The following HS6ST1 variants were observed in gnomAD, a reference collection of about 807,000 sequenced individuals.
HS6ST1 encodes the protein heparan sulfate 6-O-sulfotransferase 1, also known as heparan-sulfate 6-O-sulfotransferase 1.
A neutral mutation model predicts 25.2 loss-of-function variants in HS6ST1; 3 were observed. That is an observed-to-expected ratio of 0.12 (90% CI 0.05 to 0.31). HS6ST1 has a LOEUF of 0.31. Among genes scored for constraint, HS6ST1 ranks in the 10% least tolerant of loss-of-function variants. HS6ST1 has a pLI of 1.00. For missense variants in HS6ST1, 310 were observed against 609.6 expected (o/e 0.51, Z 5.18); for synonymous variants, 204 against 275.1 (o/e 0.74, Z 2.56).
intron 1 of HS6ST1, among the ~76,000 whole-genome samples, chr2:128,313,227 C>T (rs1487366451): frequency 6.6e-6 from 1 of 152,106 alleles, no homozygotes; most frequent in Non-Finnish European, 1.5e-5. Flanking sequence ...TCAGAAATTC[C>T]ACTCCTAGGA....
intron 1 of HS6ST1, among the ~76,000 whole-genome samples, chr2:128,308,513 G>A (rs928245456): frequency 1.3e-5 from 2 of 152,208 alleles, no homozygotes; most frequent in African/African-American, 4.8e-5. Context: ...CTGGGGGTGG[G>A]GTCAGGCTGC....
Position 128,302,005 on chromosome 2 carries a change from C to T in HS6ST1, c.527+16032G>A, listed in dbSNP as rs552206116. On this transcript the variant is annotated intron_variant, in intron 1 of 1. Transcript: ENST00000259241. ...CTCCATGGTGCCGCCAGCTCCTCTC[C>T]CTGGATAAAGTCATGCCCCAATGAG... 5.3e-5 allele frequency among the ~76,000 whole-genome samples: 8 copies of T among 152,280 alleles called. No individual in the cohort carries two copies. The South Asian group carries it at 1.7e-3, about 32-fold the overall frequency.
At chr2:128,276,905 G>T (rs936267278) in intron 1 of HS6ST1, among the ~76,000 whole-genome samples, 32 of 152,280 alleles carry the variant, frequency 2.1e-4, no homozygotes, top group African/African-American at 7.7e-4. Flanking sequence ...AGCAAGACAG[G>T]CTCCACAAAA....
rs539842525 is a variant in HS6ST1 at position 128,267,767 on chromosome 2, T to C, written c.*395A>G. On this transcript the variant is annotated 3_prime_UTR_variant, in exon 2 of 2. Coordinates refer to ENST00000259241, the MANE Select transcript of HS6ST1 (RefSeq NM_004807.3). ...CCCGGACAGAGGAGCTAAGAGCGAG[T>C]GCTGTGTGCATAGTTGGTGAGGGAC... 2.9e-4 allele frequency: 80 copies of C among 279,724 alleles called. No individual in the cohort carries two copies. The highest frequency in any genetic ancestry group is 1.6e-3 in the African/African-American group (73 of 46,466). The allele number at this position is 279,724 out of a possible 1,614,324, so 17.3% of individuals were successfully genotyped here.
chr2:128,294,843 G>C (rs17040155), intron 1 of HS6ST1, among the ~76,000 whole-genome samples: 57,777 of 151,760 alleles, frequency 0.38, 12,371 homozygotes, highest in East Asian at 0.77. Context: ...CCTGCTTCCT[G>C]AAACTCCTTC....
intron 1 of HS6ST1, among the ~76,000 whole-genome samples, chr2:128,286,747 T>A (rs1468245365): frequency 2.6e-5 from 4 of 152,218 alleles, no homozygotes; most frequent in African/African-American, 9.7e-5. Context: ...CCTAACAACG[T>A]CTGCAAGCGG....
chr2:128,311,746 G>A (rs901315218), intron 1 of HS6ST1, among the ~76,000 whole-genome samples: 3 of 152,230 alleles, frequency 2.0e-5, no homozygotes, highest in Non-Finnish European at 4.4e-5. Context: ...GGACACTGGA[G>A]CAGAGGGATG....
intron 1 of HS6ST1, among the ~76,000 whole-genome samples, chr2:128,295,334 G>A (rs1277181361): frequency 6.6e-6 from 1 of 152,220 alleles, no homozygotes; most frequent in East Asian, 1.9e-4. Context: ...CAGGCACAGT[G>A]AGGTGAAGGC....
chr2:128,280,678 T>C (rs1248759477), intron 1 of HS6ST1, among the ~76,000 whole-genome samples: 3 of 149,508 alleles, frequency 2.0e-5, no homozygotes, highest in East Asian at 1.9e-4. Context: ...TGGTGACGTC[T>C]GTAGAAGAGT....
At chr2:128,279,180 CG>C (rs1320022282) in intron 1 of HS6ST1, among the ~76,000 whole-genome samples, 2 of 151,990 alleles carry the variant, frequency 1.3e-5, no homozygotes, top group African/African-American at 4.8e-5. Flanking sequence ...GATGGGGGTG[CG>C]GGGGTGGGTT....
At chr2:128,302,129 A>C (rs1361334096) in intron 1 of HS6ST1, among the ~76,000 whole-genome samples, 1 of 152,206 alleles carries the variant, frequency 6.6e-6, no homozygotes, top group East Asian at 1.9e-4. Context: ...GAGGCTGTGC[A>C]TGGGGACTTC....
chr2:128,304,102 A>G (rs893487533), intron 1 of HS6ST1, among the ~76,000 whole-genome samples: 1 of 152,210 alleles, frequency 6.6e-6, no homozygotes, highest in African/African-American at 2.4e-5. Flanking sequence ...CCTTGGACTA[A>G]GCCTGCTCGC....
intron 1 of HS6ST1, 61 bp from the exon 2 acceptor site, chr2:128,268,931 G>A: frequency 2.1e-6 from 3 of 1,421,964 alleles, no homozygotes; most frequent in South Asian, 1.2e-5. Context: ...GGCTACCAGG[G>A]CTGCTCTGAG....
In HS6ST1 at chr2:128,267,016, G is replaced by A. The variant is rs1693527569; in HGVS notation, c.*1146C>T. The stretch of plus-strand genomic sequence containing the variant: ...TCTGTTGTCAGGGAGGCCACCTACA[G>A]CTGTTTTGCCAAGGCTAGTTGAGAA... On this transcript the variant is annotated 3_prime_UTR_variant, in exon 2 of 2. Coordinates refer to ENST00000259241, the MANE Select transcript of HS6ST1 (RefSeq NM_004807.3). The A allele has an allele frequency of 6.6e-6, 1 of 152,288 alleles. No homozygotes were observed. The highest frequency in any genetic ancestry group is 6.5e-5 in the Admixed American group (1 of 15,280). The allele number at this position is 152,288 out of a possible 1,614,324, so 9.4% of individuals were successfully genotyped here. A position where few individuals can be genotyped will look rare whatever the true frequency, so the allele number is the denominator to read the frequency against.
chr2:128,304,479 G>A (rs1434827675), intron 1 of HS6ST1, among the ~76,000 whole-genome samples: 2 of 134,008 alleles, frequency 1.5e-5, no homozygotes, highest in East Asian at 2.4e-4. Context: ...GCAGGAGGAC[G>A]AAACAAGTAC....
At chr2:128,312,473 G>C (rs1006576876) in intron 1 of HS6ST1, among the ~76,000 whole-genome samples, 5 of 152,212 alleles carry the variant, frequency 3.3e-5, no homozygotes. Flanking sequence ...CCCATGGCTT[G>C]TCACGCCTGT....
At chr2:128,270,908 C>T (rs1277721734) in intron 1 of HS6ST1, among the ~76,000 whole-genome samples, 3 of 152,240 alleles carry the variant, frequency 2.0e-5, no homozygotes, top group Non-Finnish European at 4.4e-5. Context: ...ACACGCTGTG[C>T]ACAGTGCAGC....
chr2:128,299,845 C>T (rs1694097260), intron 1 of HS6ST1, among the ~76,000 whole-genome samples: 4 of 152,288 alleles, frequency 2.6e-5, no homozygotes, highest in East Asian at 3.9e-4. Flanking sequence ...GGGGTGCTGG[C>T]GAGGGCAGCA....
rs147895404 is a variant in HS6ST1 at position 128,313,048 on chromosome 2, G to T, written c.527+4989C>A. Among the ~76,000 whole-genome samples the T allele has an allele frequency of 8.9e-3, 1,347 of 152,092 alleles. 9 individuals carry two copies. The highest frequency in any genetic ancestry group is 0.014 in the Non-Finnish European group (937 of 68,032). ...ATCATTGTCCAGACTGCACCGGACA[G>T]AGTGAGACTCCATCTCAAAAAAAAA... On this transcript the variant is annotated intron_variant, in intron 1 of 1. Transcript: ENST00000259241.
Sources: allele counts gnomAD v4.1 joint callset (sites outside exome capture counted in the v4.1 genomes callset), GRCh38; gene constraint gnomAD v4.1.1; transcripts MANE v1.5; gene names NCBI Gene and HGNC (gene_info 2026-07-23, HGNC 2026-07-21).